MINDY4B: variants seen among roughly 807,000 people sequenced by gnomAD.
The protein encoded by MINDY4B is MINDY family member 4B.
In MINDY4B, 25 loss-of-function variants were observed where a neutral mutation model predicts 16.7. The observed-to-expected ratio is 1.49, with a 90% CI of 1.09 to 2.09. The LOEUF is 2.09. Among genes scored for constraint, MINDY4B ranks in the 30% most tolerant of loss-of-function variants. The pLI is 0.00. For missense variants in MINDY4B, 327 were observed against 168.4 expected (o/e 1.94, Z -5.21); for synonymous variants, 132 against 61.9 (o/e 2.13, Z -5.32).
chr3:150,890,951 T>C lies in MINDY4B; in HGVS notation c.674A>G (p.Asn225Ser). ...AACTGCACTTACTCGCTCAGTGAAA[T>C]TGTCCACAGAGTAGTCCGGAGTCGA... ...VASTPDYSVD[N>S]FTERLQLFEF... Residue 225 changes from asparagine (N) to serine (S), a missense_variant, in exon 6 of 12, where the codon AAT (asparagine) becomes AGT (serine). Physicochemically the swap from Asn to Ser is conservative, Grantham distance 46 (BLOSUM62 1). Transcript: ENST00000465419. The C allele has an allele frequency of 1.4e-6, 1 of 702,744 alleles. No individual in the cohort carries two copies. Among genetic ancestry groups the C allele is most frequent in the African/African-American group, 1.7e-5 (1 of 57,388 alleles). 43.5% of individuals were successfully genotyped at this position (702,744 alleles called of 1,614,324 possible).
chr3:150,874,302 T>C (rs1176018814), intron 10 of MINDY4B, among the ~76,000 whole-genome samples: 2 of 152,196 alleles, frequency 1.3e-5, no homozygotes, highest in East Asian at 3.8e-4. Flanking sequence ...GTACCTGGCC[T>C]GGCCTTGAAT....
At chr3:150,881,384 A>G (rs1247680500) in intron 10 of MINDY4B, among the ~76,000 whole-genome samples, 2 of 152,238 alleles carry the variant, frequency 1.3e-5, no homozygotes, top group African/African-American at 2.4e-5. Flanking sequence ...CTCTGTCTCA[A>G]AAATAAATAA....
At chr3:150,884,482 C>T (rs1711575756) in intron 8 of MINDY4B, among the ~76,000 whole-genome samples, 1 of 152,176 alleles carries the variant, frequency 6.6e-6, no homozygotes, top group South Asian at 2.1e-4. Context: ...GTATGATAGA[C>T]TTGAACATTT....
chr3:150,878,598 A>C (rs1711500491), intron 10 of MINDY4B, among the ~76,000 whole-genome samples: 1 of 152,210 alleles, frequency 6.6e-6, no homozygotes, highest in Non-Finnish European at 1.5e-5. Context: ...AAGCCACATT[A>C]GTCACTTTTC....
chr3:150,871,020 C>A lies in MINDY4B; in HGVS notation c.*25G>T, dbSNP rs1410433006. 1 of 699,468 alleles carries A rather than the reference C, an allele frequency of 1.4e-6. No homozygotes were observed. The highest frequency in any genetic ancestry group is 2.6e-6 in the Non-Finnish European group (1 of 383,140). 43.3% of individuals were successfully genotyped at this position (699,468 alleles called of 1,614,324 possible). On this transcript the variant is annotated 3_prime_UTR_variant, in exon 12 of 12. Transcript: ENST00000465419. ...ATCCCAGCAGTTCTGACACTTCAGA[C>A]TTCATTGCACAGCCTAGTTTCCCTT...
At chr3:150,894,353 G>A (rs1406527717) in intron 3 of MINDY4B, 48 bp from the exon 4 acceptor site, 4 of 652,106 alleles carry the variant, frequency 6.1e-6, no homozygotes, top group Non-Finnish European at 1.1e-5. Context: ...ATTCTTCCTA[G>A]ACATATTCCT....
chr3:150,891,761 C>CAAAAA (rs35565267), intron 5 of MINDY4B, among the ~76,000 whole-genome samples: 11 of 68,630 alleles, frequency 1.6e-4, no homozygotes, highest in Non-Finnish European at 1.8e-4. Context: ...GACTCCATCT[C>CAAAAA]AAAAAAAAAA....
chr3:150,873,482 C>T (rs548921301), intron 10 of MINDY4B, 115 bp from the exon 11 acceptor site: 44 of 619,742 alleles, frequency 7.1e-5, no homozygotes, highest in Middle Eastern at 8.4e-4. Flanking sequence ...GCACTTGTCG[C>T]GTGCAGGGCA....
intron 7 of MINDY4B, among the ~76,000 whole-genome samples, chr3:150,887,284 A>C (rs961030383): frequency 1.3e-5 from 2 of 152,210 alleles, no homozygotes; most frequent in Admixed American, 1.3e-4. Context: ...GGATGGAGTG[A>C]GATGGTGAGA....
At chr3:150,878,810 CCCAGTAAAAAT>C (rs1711501021) in intron 10 of MINDY4B, among the ~76,000 whole-genome samples, 1 of 152,108 alleles carries the variant, frequency 6.6e-6, no homozygotes, top group Non-Finnish European at 1.5e-5. Context: ...ACTTTAAGGT[CCCAGTAAAAAT>C]CCACTTTATC....
intron 10 of MINDY4B, among the ~76,000 whole-genome samples, chr3:150,878,504 C>T (rs1043355132): frequency 1.3e-5 from 2 of 152,076 alleles, no homozygotes; most frequent in Non-Finnish European, 2.9e-5. Flanking sequence ...CATTAGTGTA[C>T]AATTTCAGGC....
intron 5 of MINDY4B, among the ~76,000 whole-genome samples, chr3:150,891,761 C>CAAAAAAA (rs35565267): frequency 1.5e-5 from 1 of 68,676 alleles, no homozygotes; most frequent in Non-Finnish European, 2.6e-5. Flanking sequence ...GACTCCATCT[C>CAAAAAAA]AAAAAAAAAA....
chr3:150,892,399 C>T (rs991827550), intron 5 of MINDY4B, among the ~76,000 whole-genome samples: 5 of 152,236 alleles, frequency 3.3e-5, no homozygotes, highest in Admixed American at 2.6e-4. Context: ...CAAGAATCCA[C>T]ATCATGGGCT....
chr3:150,903,092 A>G (rs1014000875), intron 3 of MINDY4B, among the ~76,000 whole-genome samples, 157 bp downstream of exon 3: 1 of 152,198 alleles, frequency 6.6e-6, no homozygotes, highest in Non-Finnish European at 1.5e-5. Flanking sequence ...GAATACCATA[A>G]ATAAGTCATT....
intron 10 of MINDY4B, among the ~76,000 whole-genome samples, chr3:150,879,468 C>T (rs934179889): frequency 1.3e-5 from 2 of 152,108 alleles, no homozygotes; most frequent in African/African-American, 4.8e-5. Context: ...GTTGAGAAGT[C>T]CTGCTCTGGA....
chr3:150,904,002 T>C (rs747155056), intron 2 of MINDY4B, among the ~76,000 whole-genome samples: 6 of 152,228 alleles, frequency 3.9e-5, no homozygotes, highest in Non-Finnish European at 7.4e-5. Flanking sequence ...TTTACTTAGC[T>C]TATATACTAA....
intron 11 of MINDY4B, among the ~76,000 whole-genome samples, chr3:150,872,074 C>G (rs1716986078): frequency 6.6e-6 from 1 of 152,164 alleles, no homozygotes; most frequent in African/African-American, 2.4e-5. Flanking sequence ...TTCATAAAAA[C>G]AGAAATCCTA....
intron 5 of MINDY4B, among the ~76,000 whole-genome samples, chr3:150,892,957 G>T (rs1450481481): frequency 1.3e-5 from 2 of 151,220 alleles, no homozygotes. Context: ...AAAAAAAATG[G>T]AGGATTGATC....
rs926911990 is a variant in MINDY4B, at chr3:150,902,320, C to T, written c.309+929G>A. On this transcript the variant is annotated intron_variant, in intron 3 of 11. Transcript: ENST00000465419. ...CTCTTCCAACTCTCATTCTTAAGGCCCTGAGTAGAGGTCCCTGCCTGAGCT... is the reference window on the plus strand; with the variant it reads ...CTCTTCCAACTCTCATTCTTAAGGCTCTGAGTAGAGGTCCCTGCCTGAGCT... 2.0e-5 allele frequency among the ~76,000 whole-genome samples: 3 copies of T among 152,258 alleles called. No individual in the cohort carries two copies. The East Asian group carries it at 5.8e-4, about 29-fold the overall frequency.
Sources: gnomAD v4.1 joint callset for allele counts (sites outside exome capture counted in the v4.1 genomes callset) on GRCh38, gnomAD v4.1.1 for gene constraint, MANE v1.5 for transcripts, NCBI Gene and HGNC (gene_info 2026-07-23, HGNC 2026-07-21) for gene names.